The following RPGRIP1L variants were observed in gnomAD, a reference collection of about 807,000 sequenced individuals.
RPGRIP1L encodes RPGRIP1 like.
A neutral mutation model predicts 160.4 loss-of-function variants in RPGRIP1L; 131 were observed. The observed-to-expected ratio is 0.82, with a 90% CI of 0.71 to 0.94. The LOEUF (loss-of-function observed/expected upper bound fraction) is 0.94, where lower values mean the gene tolerates loss of function less well. Ranked by LOEUF, RPGRIP1L falls within the 40% of genes least tolerant of loss-of-function variation. The pLI, the probability that RPGRIP1L is intolerant of heterozygous loss-of-function variation, is 0.00. For missense variants in RPGRIP1L, 1,522 were observed against 1,535.8 expected (o/e 0.99, Z 0.15); for synonymous variants, 510 against 515.8 (o/e 0.99, Z 0.15).
chr16:53,696,948 C>T (rs1970808957), intron 2 of RPGRIP1L, among the ~76,000 whole-genome samples: 1 of 152,104 alleles, frequency 6.6e-6, no homozygotes, highest in African/African-American at 2.4e-5. Context: ...AATCTCAGCA[C>T]TTTGGGGGGC....
At chr16:53,615,146 T>C (rs1357752131) in intron 24 of RPGRIP1L, among the ~76,000 whole-genome samples, 1 of 152,176 alleles carries the variant, frequency 6.6e-6, no homozygotes, top group Non-Finnish European at 1.5e-5. Flanking sequence ...CTTCAATTGT[T>C]CCAAAAGACA....
chr16:53,693,004 T>G (rs1484502486), intron 3 of RPGRIP1L, among the ~76,000 whole-genome samples: 1 of 152,244 alleles, frequency 6.6e-6, no homozygotes, highest in Non-Finnish European at 1.5e-5. Flanking sequence ...AATTTGGACA[T>G]AAATTGTGCT....
intron 2 of RPGRIP1L, 123 bp from the exon 3 acceptor site, chr16:53,696,418 A>C (rs2151380472): frequency 2.1e-6 from 2 of 939,346 alleles, no homozygotes; most frequent in South Asian, 2.8e-5. Context: ...TACAGTTAAG[A>C]TTGCTTTAGA....
chr16:53,604,591 T>G (rs970172282), intron 26 of RPGRIP1L, among the ~76,000 whole-genome samples: 1 of 152,192 alleles, frequency 6.6e-6, no homozygotes, highest in African/African-American at 2.4e-5. Context: ...GAATCACAAC[T>G]AGTAAGTTAA....
intron 10 of RPGRIP1L, 120 bp downstream of exon 10, chr16:53,664,750 T>C (rs1010252147): frequency 1.2e-5 from 13 of 1,107,196 alleles, no homozygotes; most frequent in Non-Finnish European, 1.8e-5. Flanking sequence ...TGACTGTGTC[T>C]GTCCCTCATA....
At chr16:53,690,138 T>C (rs965022939) in intron 4 of RPGRIP1L, among the ~76,000 whole-genome samples, 1 of 152,234 alleles carries the variant, frequency 6.6e-6, no homozygotes, top group South Asian at 2.1e-4. Flanking sequence ...AAACTTTTTT[T>C]GTGTTAAATG....
intron 22 of RPGRIP1L, among the ~76,000 whole-genome samples, chr16:53,631,967 C>T (rs748565247): frequency 2.1e-4 from 32 of 152,136 alleles, no homozygotes; most frequent in Non-Finnish European, 4.3e-4. Flanking sequence ...ACACTAATTA[C>T]GCCACTTTGG....
chr16:53,690,632 T>C (rs775944762), intron 4 of RPGRIP1L, among the ~76,000 whole-genome samples: 1 of 152,184 alleles, frequency 6.6e-6, no homozygotes, highest in Non-Finnish European at 1.5e-5. Flanking sequence ...TTGAACATTA[T>C]TTTTATTTAG....
intron 6 of RPGRIP1L, among the ~76,000 whole-genome samples, chr16:53,681,529 C>T (rs558922763): frequency 2.0e-5 from 3 of 152,230 alleles, no homozygotes; most frequent in African/African-American, 7.2e-5. Context: ...CACAGACATT[C>T]AGGCTACTTG....
chr16:53,623,793 T>C (rs903929382), intron 22 of RPGRIP1L, among the ~76,000 whole-genome samples: 1 of 152,230 alleles, frequency 6.6e-6, no homozygotes, highest in Non-Finnish European at 1.5e-5. Flanking sequence ...GCAGGACCAA[T>C]ATCTTACTCA....
Position 53,700,725 on chromosome 16 carries a change from G to T in RPGRIP1L, c.-2C>A, listed in dbSNP as rs778028294. 3 of 1,611,062 alleles carry T rather than the reference G, an allele frequency of 1.9e-6. No individual in the cohort carries two copies. Among genetic ancestry groups the T allele is most frequent in the African/African-American group, 1.3e-5 (1 of 74,874 alleles). On this transcript the variant is annotated 5_prime_UTR_variant, in exon 2 of 27. Coordinates refer to ENST00000647211, the MANE Select transcript of RPGRIP1L (RefSeq NM_015272.5). ...AGTCTCATCAGTTGGACCAGACATG[G>T]CCTAGCTGTGGAAAAAAGAAAATTC...
In RPGRIP1L at chr16:53,696,277, G is replaced by A; in HGVS notation, c.104C>T (p.Thr35Ile). 6.2e-7 allele frequency: 1 copy of A among 1,614,000 alleles called. No homozygotes were observed. The highest frequency in any genetic ancestry group is 1.1e-5 in the South Asian group (1 of 91,074). The change falls in exon 3 of 27, where the codon ACA becomes ATA. Residue 35 changes from threonine to isoleucine, a missense_variant. By Grantham distance (89) the Thr-to-Ile change is moderately conservative. Transcript: ENST00000647211. ...TGACACTGCCTGGCGAGACTTCATT[G>A]TCCGTGTTGTTGAAGTTTCTGCAAA... is the stretch of plus-strand genomic sequence containing the variant. ...GGLQETSTTR[T>I]MKSRQAVSRV...
intron 9 of RPGRIP1L, among the ~76,000 whole-genome samples, 161 bp from the exon 10 acceptor site, chr16:53,665,170 T>G (rs1336077895): frequency 6.6e-6 from 1 of 152,166 alleles, no homozygotes; most frequent in Non-Finnish European, 1.5e-5. Context: ...GGCGCCTTTC[T>G]CAGGCTGCGG....
In RPGRIP1L at chr16:53,599,871, A is replaced by C. The variant is rs1052249411; in HGVS notation, c.*2205T>G. 2 of 152,252 alleles carry C rather than the reference A, an allele frequency of 1.3e-5. No homozygotes were observed. The highest frequency in any genetic ancestry group is 2.9e-5 in the Non-Finnish European group (2 of 68,046). The allele number at this position is 152,252 out of a possible 1,614,324, so 9.4% of individuals were successfully genotyped here. On this transcript the variant is annotated 3_prime_UTR_variant, in exon 27 of 27. Transcript: ENST00000647211. The stretch of plus-strand genomic sequence containing the variant: ...TCAGCAGCAATTAGCTATGAAAATG[A>C]GTGTTGTGAAAATTCGCAATAGTTT...
At chr16:53,606,896 G>A (rs1006464354) in intron 25 of RPGRIP1L, among the ~76,000 whole-genome samples, 1 of 152,172 alleles carries the variant, frequency 6.6e-6, no homozygotes, top group Non-Finnish European at 1.5e-5. Flanking sequence ...TTACAGGCGT[G>A]AGTCACTGCG....
chr16:53,605,665 C>T (rs1206575864), intron 25 of RPGRIP1L, 51 bp from the exon 26 acceptor site: 12 of 1,603,486 alleles, frequency 7.5e-6, no homozygotes. Context: ...AAGAAATCAC[C>T]ACGAGACAAA....
At chr16:53,660,635 C>A (rs867722551) in intron 10 of RPGRIP1L, among the ~76,000 whole-genome samples, 77 of 151,966 alleles carry the variant, frequency 5.1e-4, no homozygotes, top group African/African-American at 1.8e-3. Context: ...GTGGCTCATG[C>A]CTGTAATCCC....
At chr16:53,629,578 TTTTGCTATTATTCAACA>T (rs1292794898) in intron 22 of RPGRIP1L, among the ~76,000 whole-genome samples, 1 of 152,238 alleles carries the variant, frequency 6.6e-6, no homozygotes, top group Non-Finnish European at 1.5e-5. Context: ...TAAACAGTTC[TTTTGCTATTATTCAACA>T]TTTTAGTACA....
At chr16:53,686,659 T>C in intron 5 of RPGRIP1L, 83 bp from the exon 6 acceptor site, 1 of 1,421,292 alleles carries the variant, frequency 7.0e-7, no homozygotes, top group Non-Finnish European at 9.9e-7. Flanking sequence ...AAGTTCTTCA[T>C]GAAAAAGAGC....
Sources: gnomAD v4.1 joint callset for allele counts (sites outside exome capture counted in the v4.1 genomes callset) on GRCh38, gnomAD v4.1.1 for gene constraint, MANE v1.5 for transcripts, NCBI Gene and HGNC (gene_info 2026-07-23, HGNC 2026-07-21) for gene names.